PCBP3: variants seen among roughly 807,000 people sequenced by gnomAD.
The protein encoded by PCBP3 is poly(rC)-binding protein 3.
A neutral mutation model predicts 52.7 loss-of-function variants in PCBP3; 25 were observed. The ratio of observed to expected loss-of-function variants is 0.47; its 90% confidence interval spans 0.35 to 0.66. PCBP3 has a LOEUF of 0.66. PCBP3 is among the 30% of genes least tolerant of loss of function. The pLI, the probability that PCBP3 is intolerant of heterozygous loss-of-function variation, is 0.01. For missense variants in PCBP3, 391 were observed against 490.3 expected (o/e 0.80, Z 1.91); for synonymous variants, 162 against 183.0 (o/e 0.89, Z 0.93).
intron 4 of PCBP3, among the ~76,000 whole-genome samples, chr21:45,777,086 C>T (rs1019911771): frequency 3.9e-5 from 6 of 152,092 alleles, no homozygotes; most frequent in African/African-American, 9.7e-5. Flanking sequence ...TTGAGCATTT[C>T]GTGTAGGGAT....
At chr21:45,803,004 A>G (rs750728664) in intron 4 of PCBP3, among the ~76,000 whole-genome samples, 1 of 152,270 alleles carries the variant, frequency 6.6e-6, no homozygotes, top group Non-Finnish European at 1.5e-5. Flanking sequence ...TCTGCATTGT[A>G]CAGTCATAAT....
rs569850765 is a variant in PCBP3 at position 45,736,859 on chromosome 21, C to T, written c.-162+1430C>T. 2.0e-5 allele frequency among the ~76,000 whole-genome samples: 3 copies of T among 151,916 alleles called. No homozygotes were observed. The highest frequency in any genetic ancestry group is 4.4e-5 in the Non-Finnish European group (3 of 67,834). ...TCTAGTCAGTGAGTTCATCCTGTGGCATGTCAGGGGGTGACAGTGGCTGTG... is the reference window on the plus strand; with the variant it reads ...TCTAGTCAGTGAGTTCATCCTGTGGTATGTCAGGGGGTGACAGTGGCTGTG... On this transcript the variant is annotated intron_variant, in intron 3 of 17. Coordinates refer to ENST00000681687, the MANE Select transcript of PCBP3 (RefSeq NM_001384156.1). This position sits in a 1 kb window ranked among gnomAD's most constrained non-coding sequence, Gnocchi z 4.6.
At chr21:45,785,459 GGA>G (rs1404054352) in intron 4 of PCBP3, among the ~76,000 whole-genome samples, 17 of 148,424 alleles carry the variant, frequency 1.1e-4, no homozygotes, top group African/African-American at 3.8e-4. Context: ...CCGTCTGGGA[GGA>G]GGTGGGGGGG....
intron 3 of PCBP3, among the ~76,000 whole-genome samples, chr21:45,743,736 A>G (rs1000579635): frequency 6.6e-6 from 1 of 152,202 alleles, no homozygotes; most frequent in African/African-American, 2.4e-5. Flanking sequence ...CGTGAGGGTT[A>G]TGGCTAGGGT....
intron 2 of PCBP3, among the ~76,000 whole-genome samples, chr21:45,682,835 G>T (rs2147578805): frequency 6.6e-6 from 1 of 152,260 alleles, no homozygotes; most frequent in East Asian, 1.9e-4. Flanking sequence ...TAGGCATATG[G>T]ATAGCAGCCT....
chr21:45,896,953 T>C lies in PCBP3; in HGVS notation c.165+591T>C, dbSNP rs61353555. Among the ~76,000 whole-genome samples, 1,009 of 109,174 alleles carry C rather than the reference T, an allele frequency of 9.2e-3. 100 individuals carry two copies. Among genetic ancestry groups the C allele is most frequent in the African/African-American group, 0.036 (770 of 21,342 alleles). The allele number at this position is 109,174 out of a possible 152,430, so 71.6% of individuals were successfully genotyped here. A position where few individuals can be genotyped will look rare whatever the true frequency, so the allele number is the denominator to read the frequency against. On this transcript the variant is annotated intron_variant, in intron 6 of 17. Transcript: ENST00000681687. The stretch of plus-strand genomic sequence containing the variant: ...CGGACATGGCACATAGAACCGGAGA[T>C]GCACTGCCCGGGCCATTGTCTCTGT...
Position 45,654,402 on chromosome 21 carries a change from G to A in PCBP3, c.-279+10534G>A, listed in dbSNP as rs558167489. On this transcript the variant is annotated intron_variant, in intron 1 of 17. Coordinates refer to ENST00000681687, the MANE Select transcript of PCBP3 (RefSeq NM_001384156.1). ...TGTTGCCAGGCTGGAGTGCAGTGAC[G>A]TGATCTCAGCTCACTGCAGCCTCCA... 3.4e-4 allele frequency among the ~76,000 whole-genome samples: 48 copies of A among 142,236 alleles called. No homozygotes were observed. In the East Asian group the frequency reaches 9.7e-3, roughly 29 times the overall value. The allele number at this position is 142,236 out of a possible 152,430, so 93.3% of individuals were successfully genotyped here.
chr21:45,666,269 G>A (rs1398899323), intron 1 of PCBP3, among the ~76,000 whole-genome samples: 1 of 152,132 alleles, frequency 6.6e-6, no homozygotes, highest in East Asian at 1.9e-4. Context: ...CCTAGCCAGA[G>A]CAGTCAGGTA....
rs959192621 is a variant in PCBP3, at chr21:45,779,766, T to C, written c.-126+24314T>C. Among the ~76,000 whole-genome samples the C allele has an allele frequency of 3.9e-5, 6 of 152,214 alleles. 1 individual carries two copies. Among genetic ancestry groups the C allele is most frequent in the Admixed American group, 3.9e-4 (6 of 15,282 alleles). ...TTAAGATGACTCAATATTGTTAAGA[T>C]GTTAATTCTCCCCATGTTGATCTAT... On this transcript the variant is annotated intron_variant, in intron 4 of 17. Coordinates refer to ENST00000681687, the MANE Select transcript of PCBP3 (RefSeq NM_001384156.1).
chr21:45,861,646 A>C (rs2094514671), intron 5 of PCBP3, among the ~76,000 whole-genome samples: 1 of 152,092 alleles, frequency 6.6e-6, no homozygotes, highest in Non-Finnish European at 1.5e-5. Context: ...CCGTGTTCAT[A>C]AGCTCAGTGC....
At chr21:45,703,677 C>T (rs982072546) in intron 2 of PCBP3, among the ~76,000 whole-genome samples, 4 of 152,014 alleles carry the variant, frequency 2.6e-5, no homozygotes, top group Admixed American at 6.6e-5. Context: ...CCTGCTGTTT[C>T]GGGGGGCATG....
At chr21:45,929,547 T>G (rs931282868) in intron 13 of PCBP3, among the ~76,000 whole-genome samples, 18 of 152,222 alleles carry the variant, frequency 1.2e-4, no homozygotes, top group Non-Finnish European at 2.5e-4. Flanking sequence ...CTCCTAGAAG[T>G]GCAGCTGGTC....
At chr21:45,852,047 G>A (rs1392139387) in intron 5 of PCBP3, among the ~76,000 whole-genome samples, 1 of 152,218 alleles carries the variant, frequency 6.6e-6, no homozygotes, top group African/African-American at 2.4e-5. Context: ...TAACAATAGG[G>A]TGACTATAGC....
intron 4 of PCBP3, among the ~76,000 whole-genome samples, chr21:45,770,659 C>G (rs1302491847): frequency 6.6e-6 from 1 of 152,196 alleles, no homozygotes; most frequent in Admixed American, 6.5e-5. Context: ...TAAGGTTATT[C>G]GGACCCTGAG....
intron 13 of PCBP3, among the ~76,000 whole-genome samples, chr21:45,929,335 A>ATTT: frequency 6.6e-6 from 1 of 152,264 alleles, no homozygotes; most frequent in East Asian, 1.9e-4. Flanking sequence ...ACGCTTCTGG[A>ATTT]GGTGACTAAA....
chr21:45,784,396 C>T (rs1451955939), intron 4 of PCBP3, among the ~76,000 whole-genome samples: 4 of 113,600 alleles, frequency 3.5e-5, no homozygotes, highest in East Asian at 5.3e-4. Flanking sequence ...CTACCTCTAC[C>T]GCTACCTCTA....
intron 4 of PCBP3, among the ~76,000 whole-genome samples, chr21:45,810,451 A>C (rs550864217): frequency 6.7e-6 from 1 of 150,264 alleles, no homozygotes; most frequent in Non-Finnish European, 1.5e-5. Flanking sequence ...TTTAATAGAG[A>C]TGAGGTTTTG....
At chr21:45,744,964 G>C (rs901343667) in intron 3 of PCBP3, among the ~76,000 whole-genome samples, 2 of 152,204 alleles carry the variant, frequency 1.3e-5, no homozygotes, top group Non-Finnish European at 2.9e-5. Flanking sequence ...CTTTGTGACT[G>C]TGGGTGTTTT....
chr21:45,869,479 G>C (rs2094909915), intron 5 of PCBP3, among the ~76,000 whole-genome samples: 1 of 152,192 alleles, frequency 6.6e-6, no homozygotes, highest in Non-Finnish European at 1.5e-5. Context: ...GGTCAGCAGA[G>C]GACCCTGGCA....
Sources: gnomAD v4.1 joint callset for allele counts (sites outside exome capture counted in the v4.1 genomes callset) on GRCh38, gnomAD v4.1.1 for gene constraint, Gnocchi (gnomAD v3.1) non-coding constraint, MANE v1.5 for transcripts, NCBI Gene and HGNC (gene_info 2026-07-23, HGNC 2026-07-21) for gene names.